Variants in SNX25 observed in about 807,000 individuals in gnomAD.
SNX25 encodes the protein sorting nexin 25, also known as sorting nexin-25.
SNX25 carries 62 observed loss-of-function variants against 113.7 expected under a neutral mutation model. The ratio of observed to expected loss-of-function variants is 0.55; its 90% CI spans 0.44 to 0.67. The LOEUF (loss-of-function observed/expected upper bound fraction) is 0.67, where lower values mean the gene tolerates loss of function less well. SNX25 is among the 30% of genes least tolerant of loss of function. SNX25 has a pLI of 0.00. For synonymous variants in SNX25, 421 were observed against 436.2 expected, an observed-to-expected ratio of 0.97 and a Z score of 0.43; for missense variants, 1,014 against 1,161.0, an observed-to-expected ratio of 0.87 and a Z score of 1.84.
At chr4:185,212,489 G>GTTTTT (rs1414842289) in intron 1 of SNX25, among the ~76,000 whole-genome samples, 5 of 43,362 alleles carry the variant, frequency 1.2e-4, no homozygotes, top group South Asian at 8.0e-4. Context: ...GTGTGTGTGT[G>GTTTTT]TGTTTTTTTT....
rs763973618 is a variant in SNX25 at position 185,339,482 on chromosome 4, T to G, written c.2018T>G (p.Met673Arg). The G allele has an allele frequency of 1.2e-6, 2 of 1,614,078 alleles. No individual in the cohort carries two copies. The highest frequency in any genetic ancestry group is 1.7e-5 in the Admixed American group (1 of 60,024). Residue 673 changes from methionine to arginine, a missense_variant, in exon 11 of 19, where the codon ATG becomes AGG. Transcript: ENST00000652585. ...GATTGGTGGTGTGAAAACCTTGGCA[T>G]GTGGAAAGCCTCCATCACCAGTGGA... ...RTDWWCENLG[M>R]WKASITSGEV...
chr4:185,284,442 G>C (rs923768507), intron 5 of SNX25, among the ~76,000 whole-genome samples: 11 of 152,184 alleles, frequency 7.2e-5, no homozygotes, highest in African/African-American at 2.2e-4. Context: ...AGACTTGAGG[G>C]AAGAAGTAAT....
chr4:185,218,976 A>G (rs1420153705), intron 1 of SNX25, among the ~76,000 whole-genome samples: 1 of 152,104 alleles, frequency 6.6e-6, no homozygotes, highest in Non-Finnish European at 1.5e-5. Flanking sequence ...CCCCATCAGC[A>G]TTTCTGGGAG....
intron 5 of SNX25, among the ~76,000 whole-genome samples, chr4:185,284,634 A>G (rs899966754): frequency 1.3e-5 from 2 of 152,198 alleles, no homozygotes; most frequent in African/African-American, 2.4e-5. Context: ...TGTGAAGGGA[A>G]CGTAGGCAGG....
intron 5 of SNX25, among the ~76,000 whole-genome samples, chr4:185,268,444 T>A (rs1748449108): frequency 6.6e-6 from 1 of 152,226 alleles, no homozygotes; most frequent in Admixed American, 6.5e-5. Flanking sequence ...ACACATTTAG[T>A]ATGATTATAT....
At chr4:185,328,574 T>G (rs1276587748) in intron 9 of SNX25, among the ~76,000 whole-genome samples, 3 of 152,208 alleles carry the variant, frequency 2.0e-5, no homozygotes, top group African/African-American at 7.2e-5. Flanking sequence ...TTAATTAAGC[T>G]GAGCGCTTTC....
chr4:185,286,490 A>G (rs1266318300), intron 5 of SNX25, among the ~76,000 whole-genome samples: 1 of 152,172 alleles, frequency 6.6e-6, no homozygotes, highest in East Asian at 1.9e-4. Context: ...ACACAGAAAA[A>G]TGAGGGAAGG....
rs191805006 is a variant in SNX25, at chr4:185,225,416, A to G, written c.429+15161A>G. On this transcript the variant is annotated intron_variant, in intron 1 of 18. Coordinates refer to ENST00000652585, the MANE Select transcript of SNX25 (RefSeq NM_001378034.2). ...TGGGATTACAGGCGTGAGCCACCGCACCCGGCCAGTATATTCTCTCTTCTT... is the reference window on the plus strand; with the variant it reads ...TGGGATTACAGGCGTGAGCCACCGCGCCCGGCCAGTATATTCTCTCTTCTT... Among the ~76,000 whole-genome samples, 294 of 152,108 alleles carry G rather than the reference A, an allele frequency of 1.9e-3. 1 individual carries two copies. Among genetic ancestry groups the G allele is most frequent in the Admixed American group, 3.7e-3 (57 of 15,266 alleles).
intron 1 of SNX25, among the ~76,000 whole-genome samples, chr4:185,229,109 G>C (rs1251391840): frequency 6.6e-6 from 1 of 152,110 alleles, no homozygotes; most frequent in African/African-American, 2.4e-5. Context: ...CCGCGGTGTG[G>C]TTGTGGAATT....
chr4:185,263,182 C>T (rs771195692), intron 3 of SNX25, among the ~76,000 whole-genome samples: 1 of 151,940 alleles, frequency 6.6e-6, no homozygotes, highest in Non-Finnish European at 1.5e-5. Context: ...GACTGTGTAC[C>T]GTTTGAGAGA....
rs956406266 is a variant in SNX25, at chr4:185,334,936, T to C, written c.1914+2177T>C. Among the ~76,000 whole-genome samples, 15 of 152,186 alleles carry C rather than the reference T, an allele frequency of 9.9e-5. No individual in the cohort carries two copies. The highest frequency in any genetic ancestry group is 2.9e-5 in the Non-Finnish European group (2 of 68,028). On this transcript the variant is annotated intron_variant, in intron 10 of 18. Coordinates refer to ENST00000652585, the MANE Select transcript of SNX25 (RefSeq NM_001378034.2). The surrounding 1 kb of genome is among the most constrained non-coding windows in gnomAD (Gnocchi z 4.2). The stretch of plus-strand genomic sequence containing the variant: ...CACAGGGCTGAAAGGGCTCTGAGGA[T>C]GGAAGGCAGCTGATCCTTCTCTCCA...
chr4:185,310,746 T>A lies in SNX25; in HGVS notation c.1274T>A (p.Leu425Gln). Residue 425 changes from leucine (L) to glutamine (Q), a missense_variant, in exon 7 of 19, where the codon CTG becomes CAG. Physicochemically the swap from Leu to Gln is moderately radical, Grantham distance 113 (BLOSUM62 -2). Coordinates refer to ENST00000652585, the MANE Select transcript of SNX25 (RefSeq NM_001378034.2). Reference protein sequence around the residue: ...KKQCEKRIRILGGPAYDQQED... With the variant: ...KKQCEKRIRIQGGPAYDQQED... ...CAGTGTGAGAAGAGAATCCGAATCC[T>A]GGGAGGCCCTGCCTATGACCAGCAA... is the stretch of plus-strand genomic sequence containing the variant. 6.2e-7 allele frequency: 1 copy of A among 1,613,974 alleles called. No homozygotes were observed. Among genetic ancestry groups the A allele is most frequent in the Non-Finnish European group, 8.5e-7 (1 of 1,179,928 alleles).
intron 2 of SNX25, among the ~76,000 whole-genome samples, chr4:185,250,096 G>A (rs111534008): frequency 6.6e-6 from 1 of 152,128 alleles, no homozygotes; most frequent in Non-Finnish European, 1.5e-5. Context: ...TTTTTAGTAT[G>A]CAGTTTAATT....
At chr4:185,289,094 G>T (rs1751780819) in intron 6 of SNX25, among the ~76,000 whole-genome samples, 1 of 152,134 alleles carries the variant, frequency 6.6e-6, no homozygotes, top group East Asian at 1.9e-4. Flanking sequence ...GCAAATATAG[G>T]TATAGATTAT....
chr4:185,221,738 C>A (rs1471611680), intron 1 of SNX25, among the ~76,000 whole-genome samples: 1 of 152,060 alleles, frequency 6.6e-6, no homozygotes, highest in Non-Finnish European at 1.5e-5. Flanking sequence ...CATGCTCCAC[C>A]CTCAGTCCTC....
intron 11 of SNX25, among the ~76,000 whole-genome samples, chr4:185,340,937 G>T (rs1017056739): frequency 2.0e-5 from 3 of 152,158 alleles, no homozygotes; most frequent in Non-Finnish European, 4.4e-5. Context: ...TGTATTCTGT[G>T]CTAGCTGACT....
At chr4:185,278,840 C>T (rs763993344) in intron 5 of SNX25, among the ~76,000 whole-genome samples, 14 of 152,176 alleles carry the variant, frequency 9.2e-5, no homozygotes, top group Non-Finnish European at 2.1e-4. Flanking sequence ...ACATTATAGT[C>T]ATACTAACAG....
At chr4:185,372,620 T>G (rs1384721558), downstream of SNX25, among the ~76,000 whole-genome samples, 4 of 152,202 alleles carry the variant, frequency 2.6e-5, no homozygotes, top group South Asian at 2.1e-4. Flanking sequence ...GGTGGGGCTC[T>G]TAAGAGGCGA....
rs1054445617 is a variant in SNX25, at chr4:185,210,728, A to C, written c.429+473A>C. 6.7e-6 allele frequency among the ~76,000 whole-genome samples: 1 copy of C among 148,762 alleles called. No homozygotes were observed. Among genetic ancestry groups the C allele is most frequent in the African/African-American group, 2.5e-5 (1 of 40,164 alleles). On this transcript the variant is annotated intron_variant, in intron 1 of 18. Transcript: ENST00000652585. This position sits in a 1 kb window ranked among gnomAD's most constrained non-coding sequence, Gnocchi z 4.4. Reference sequence around the variant, plus strand: ...GCTTCGGTCCCTGGCCCAGCGCCTCACCCCCAAGCCCGCGTACCCTTCCCA... The same window carrying C: ...GCTTCGGTCCCTGGCCCAGCGCCTCCCCCCCAAGCCCGCGTACCCTTCCCA...
Sources: allele counts gnomAD v4.1 joint callset (sites outside exome capture counted in the v4.1 genomes callset), GRCh38; gene constraint gnomAD v4.1.1; non-coding constraint Gnocchi (gnomAD v3.1); transcripts MANE v1.5; gene names NCBI Gene and HGNC (gene_info 2026-07-23, HGNC 2026-07-21).